The following RASA3 variants were observed in gnomAD, a reference collection of about 807,000 sequenced individuals.
RASA3 encodes RAS p21 protein activator 3, also known as ras GTPase-activating protein 3.
In RASA3, 73 loss-of-function variants were observed where a neutral mutation model predicts 110.0. The ratio of observed to expected loss-of-function variants is 0.66; its 90% confidence interval spans 0.55 to 0.81. RASA3 has a LOEUF of 0.81. Among genes scored for constraint, RASA3 ranks in the 30% least tolerant of loss-of-function variants. The pLI is 0.00. For synonymous variants in RASA3, 500 were observed against 451.4 expected, an observed-to-expected ratio of 1.11 and a Z score of -1.37; for missense variants, 976 against 1,113.2, an observed-to-expected ratio of 0.88 and a Z score of 1.75.
At chr13:114,110,468 C>T (rs1212170608) in intron 1 of RASA3, among the ~76,000 whole-genome samples, 4 of 152,234 alleles carry the variant, frequency 2.6e-5, no homozygotes, top group Non-Finnish European at 5.9e-5. Context: ...ACCGTGCCTG[C>T]GGCTGCTTCC....
At chr13:114,106,489 C>T (rs562684593) in intron 1 of RASA3, among the ~76,000 whole-genome samples, 2 of 152,286 alleles carry the variant, frequency 1.3e-5, no homozygotes, top group African/African-American at 2.4e-5. Context: ...CAACTCATTA[C>T]GTGTAACAAT....
At chr13:114,030,883 G>A (rs2054151967) in intron 4 of RASA3, among the ~76,000 whole-genome samples, 1 of 151,956 alleles carries the variant, frequency 6.6e-6, no homozygotes, top group Non-Finnish European at 1.5e-5. Flanking sequence ...CTACCTGTGT[G>A]CGTGCAACTG....
At chr13:114,128,013 C>G (rs2080472872) in intron 1 of RASA3, among the ~76,000 whole-genome samples, 1 of 152,354 alleles carries the variant, frequency 6.6e-6, no homozygotes. Context: ...CCAGGCTGAA[C>G]CTGCCCCTGC....
At chr13:114,129,189 G>A (rs376035530) in intron 1 of RASA3, among the ~76,000 whole-genome samples, 3 of 152,248 alleles carry the variant, frequency 2.0e-5, no homozygotes, top group South Asian at 2.1e-4. Flanking sequence ...AGCAGCGATC[G>A]CATAGGAAGT....
chr13:114,029,494 TCATCCTGGGGGCCAGGACCTCTAAAAC>T (rs2054102850), intron 5 of RASA3, among the ~76,000 whole-genome samples: 2 of 74,358 alleles, frequency 2.7e-5, no homozygotes, highest in African/African-American at 7.4e-5. Context: ...TAAAACGGCG[TCATCCTGGGGGCCAGGACCTCTAAAAC>T]GGCGTCATCC....
chr13:114,043,507 C>T (rs993944255), intron 3 of RASA3, among the ~76,000 whole-genome samples: 3 of 152,114 alleles, frequency 2.0e-5, no homozygotes, highest in Admixed American at 6.5e-5. Context: ...GCTACCCGGA[C>T]GTAGATACAG....
chr13:114,055,032 G>A (rs2079216557), intron 2 of RASA3, among the ~76,000 whole-genome samples: 3 of 152,038 alleles, frequency 2.0e-5, no homozygotes, highest in Non-Finnish European at 4.4e-5. Context: ...GCATGTGTGT[G>A]GGTGTGTGCA....
At chr13:114,118,198 T>TA (rs977519105) in intron 1 of RASA3, among the ~76,000 whole-genome samples, 21 of 152,056 alleles carry the variant, frequency 1.4e-4, no homozygotes, top group Non-Finnish European at 2.4e-4. Context: ...GCACAGCCAA[T>TA]ATTTCCCTTA....
chr13:113,980,544 G>A (rs780970187), intron 23 of RASA3, among the ~76,000 whole-genome samples: 10 of 152,246 alleles, frequency 6.6e-5, no homozygotes, highest in Non-Finnish European at 1.2e-4. Context: ...ACAACAAACA[G>A]CATCATGCTT....
In RASA3 at chr13:114,114,500, C is replaced by T. The variant is rs2080254624; in HGVS notation, c.55+17935G>A. Among the ~76,000 whole-genome samples, 2 of 152,188 alleles carry T rather than the reference C, an allele frequency of 1.3e-5. No homozygotes were observed. The highest frequency in any genetic ancestry group is 2.9e-5 in the Non-Finnish European group (2 of 68,028). The stretch of plus-strand genomic sequence containing the variant: ...CTCTGTCAGCCAAAGTGAGGTCTGA[C>T]CACAAAAGCTACCCATTCACTTGCT... On this transcript the variant is annotated intron_variant, in intron 1 of 23. Coordinates refer to ENST00000334062, the MANE Select transcript of RASA3 (RefSeq NM_007368.4). This position sits in a 1 kb window ranked among gnomAD's most constrained non-coding sequence, Gnocchi z 4.8.
rs767172764 is a variant in RASA3, at chr13:114,073,838, C to T, written c.56-1G>A. The T allele has an allele frequency of 6.2e-7, 1 of 1,612,264 alleles. No homozygotes were observed. Among genetic ancestry groups the T allele is most frequent in the Admixed American group, 1.7e-5 (1 of 60,026 alleles). ...TAAGAGGGAAGGTTTTTGGCTTCAC[C>T]TAAAAAGTAAAAGCGACATACATCA... On this transcript the variant is annotated splice_acceptor_variant, in intron 1 of 23. Transcript: ENST00000334062. LOFTEE classifies it high-confidence loss of function.
In RASA3 at chr13:114,095,695, G is replaced by T. The variant is rs2079933395; in HGVS notation, c.56-21858C>A. On this transcript the variant is annotated intron_variant, in intron 1 of 23. Transcript: ENST00000334062. The stretch of plus-strand genomic sequence containing the variant: ...GCAAGGCTCAGGAGAGGCACTCTGA[G>T]GGACAGGATGATGGGCCCGGCTGTT... 3.3e-5 allele frequency among the ~76,000 whole-genome samples: 5 copies of T among 152,224 alleles called. No homozygotes were observed. In the South Asian group the frequency reaches 1.0e-3, roughly 32 times the overall value.
At position 114,011,126 on chromosome 13, in the gene RASA3, G is replaced by A. The variant is rs1392497132; in HGVS notation, c.1590+45C>T. 6.7e-7 allele frequency: 1 copy of A among 1,497,648 alleles called. No individual in the cohort carries two copies. Among genetic ancestry groups the A allele is most frequent in the Non-Finnish European group, 9.3e-7 (1 of 1,079,616 alleles). The allele number at this position is 1,497,648 out of a possible 1,614,324, so 92.8% of individuals were successfully genotyped here. A position where few individuals can be genotyped will look rare whatever the true frequency, so the allele number is the denominator to read the frequency against. On this transcript the variant is annotated intron_variant, in intron 16 of 23. Coordinates refer to ENST00000334062, the MANE Select transcript of RASA3 (RefSeq NM_007368.4). This position sits in a 1 kb window ranked among gnomAD's most constrained non-coding sequence, Gnocchi z 4.8. ...ACGTGTATTTTCTGAAGAGAGAAAAGAATCAGTTGTCCCTAAAAAGAGAAA... is the reference window on the plus strand; with the variant it reads ...ACGTGTATTTTCTGAAGAGAGAAAAAAATCAGTTGTCCCTAAAAAGAGAAA...
chr13:114,130,464 A>T (rs892360072), intron 1 of RASA3, among the ~76,000 whole-genome samples: 4 of 152,204 alleles, frequency 2.6e-5, no homozygotes, highest in Non-Finnish European at 5.9e-5. Context: ...TTTAAAGTGG[A>T]GCACAGAGCC....
rs1305453552 is a variant in RASA3, at chr13:114,014,240, G to A, written c.1405+969C>T. Among the ~76,000 whole-genome samples the A allele has an allele frequency of 6.6e-6, 1 of 152,168 alleles. No homozygotes were observed. Among genetic ancestry groups the A allele is most frequent in the African/African-American group, 2.4e-5 (1 of 41,436 alleles). On this transcript the variant is annotated intron_variant, in intron 14 of 23. Transcript: ENST00000334062. The surrounding 1 kb of genome is among the most constrained non-coding windows in gnomAD (Gnocchi z 4.5). ...CCCCTTTGGTGTCTCATTCCACAGTGGTCTGTGCTCATCTGGGTGAGAGGA... is the reference window on the plus strand; with the variant it reads ...CCCCTTTGGTGTCTCATTCCACAGTAGTCTGTGCTCATCTGGGTGAGAGGA...
chr13:113,996,774 G>A, intron 20 of RASA3, 35 bp from the exon 21 acceptor site: 1 of 1,580,766 alleles, frequency 6.3e-7, no homozygotes, highest in South Asian at 1.1e-5. Flanking sequence ...CAGCGCACAT[G>A]AGGTCTCGTG....
intron 1 of RASA3, among the ~76,000 whole-genome samples, chr13:114,110,861 G>C (rs2080208337): frequency 6.6e-6 from 1 of 152,244 alleles, no homozygotes; most frequent in African/African-American, 2.4e-5. Flanking sequence ...CCTCCTGAGA[G>C]AGCCACGGTG....
intron 4 of RASA3, among the ~76,000 whole-genome samples, chr13:114,030,537 GGGCAAGACTCACA>G (rs2054141472): frequency 8.1e-6 from 1 of 123,822 alleles, no homozygotes; most frequent in African/African-American, 2.8e-5. Flanking sequence ...CTCACACAGA[GGGCAAGACTCACA>G]CAGACAGCAA....
intron 22 of RASA3, among the ~76,000 whole-genome samples, chr13:113,991,330 G>C (rs1398404149): frequency 6.6e-6 from 1 of 152,222 alleles, no homozygotes; most frequent in African/African-American, 2.4e-5. Flanking sequence ...GGACTCATGT[G>C]TTTCCAGGCC....
Sources: gnomAD v4.1 joint callset for allele counts (sites outside exome capture counted in the v4.1 genomes callset) on GRCh38, gnomAD v4.1.1 for gene constraint, Gnocchi (gnomAD v3.1) non-coding constraint, MANE v1.5 for transcripts, NCBI Gene and HGNC (gene_info 2026-07-23, HGNC 2026-07-21) for gene names.